Variants in SPECC1L observed in about 807,000 individuals in gnomAD.
The protein encoded by SPECC1L is cytospin-A.
SPECC1L carries 40 observed loss-of-function variants against 116.8 expected under a neutral mutation model. The observed-to-expected ratio is 0.34, with a 90% CI of 0.27 to 0.45. SPECC1L has a LOEUF of 0.45. Ranked by LOEUF, SPECC1L falls within the 20% of genes least tolerant of loss-of-function variation. The probability of loss-of-function intolerance (pLI) is 1.00; values close to 1 mark genes in which losing one functional copy is unlikely to be tolerated. For synonymous variants in SPECC1L, 504 were observed against 500.6 expected (o/e 1.01, Z -0.09); for missense variants, 1,110 against 1,373.6 (o/e 0.81, Z 3.03).
At chr22:24,402,097 GCTTCCCCTTC>G (rs574796666) in intron 14 of SPECC1L, among the ~76,000 whole-genome samples, 3,074 of 63,434 alleles carry the variant, frequency 0.048, 163 homozygotes, top group South Asian at 0.21. Flanking sequence ...AAAATGTACT[GCTTCCCCTTC>G]CTTCCCCTTC....
At chr22:24,410,031 A>G (rs964639472) in intron 14 of SPECC1L, among the ~76,000 whole-genome samples, 2 of 152,254 alleles carry the variant, frequency 1.3e-5, no homozygotes, top group East Asian at 1.9e-4. Flanking sequence ...AAAATTTTAA[A>G]AAGTTGAGGT....
rs771197162 is a variant in SPECC1L at position 24,347,161 on chromosome 22, G to A, written c.2728G>A (p.Glu910Lys). ...GTCAGATAAGAGACCAAACTATGGGGAAATCCCTGTTCAAGGTACGTGTAA... is the reference window on the plus strand; with the variant it reads ...GTCAGATAAGAGACCAAACTATGGGAAAATCCCTGTTCAAGGTACGTGTAA... ...ALSDKRPNYG[E>K]IPVQEHLLRT... Residue 910 changes from glutamate to lysine, a missense_variant, in exon 11 of 17, where the codon GAA becomes AAA. Glu to Lys is a moderately conservative substitution (Grantham distance 56). Transcript: ENST00000314328. 1.9e-6 allele frequency: 3 copies of A among 1,613,496 alleles called. No homozygotes were observed. Among genetic ancestry groups the A allele is most frequent in the East Asian group, 2.2e-5 (1 of 44,838 alleles).
chr22:24,296,717 C>T (rs1209221349), intron 2 of SPECC1L, among the ~76,000 whole-genome samples: 1 of 152,264 alleles, frequency 6.6e-6, no homozygotes, highest in African/African-American at 2.4e-5. Flanking sequence ...CCAGTGATTT[C>T]TCCATCTCGA....
intron 14 of SPECC1L, among the ~76,000 whole-genome samples, chr22:24,410,400 T>C (rs2042672451): frequency 6.6e-6 from 1 of 152,200 alleles, no homozygotes; most frequent in Non-Finnish European, 1.5e-5. Context: ...GGCTGAGTCA[T>C]AACTTTTCTT....
chr22:24,299,575 T>G (rs1229426945), intron 2 of SPECC1L, among the ~76,000 whole-genome samples: 1 of 152,226 alleles, frequency 6.6e-6, no homozygotes, highest in Non-Finnish European at 1.5e-5. Context: ...TTTTCTCCTC[T>G]TGGACCTCTG....
intron 10 of SPECC1L, among the ~76,000 whole-genome samples, chr22:24,340,201 T>G (rs2041146907): frequency 7.3e-6 from 1 of 137,034 alleles, no homozygotes; most frequent in African/African-American, 2.8e-5. Flanking sequence ...CAGGCTGGAA[T>G]GAAATGGCAT....
chr22:24,303,282 C>T (rs566919611), intron 3 of SPECC1L, among the ~76,000 whole-genome samples: 10 of 152,296 alleles, frequency 6.6e-5, no homozygotes, highest in Non-Finnish European at 1.5e-4. Flanking sequence ...TGGAACTGAA[C>T]CCAGGCTTAT....
At chr22:24,281,221 A>G (rs1412687806) in intron 2 of SPECC1L, among the ~76,000 whole-genome samples, 1 of 152,244 alleles carries the variant, frequency 6.6e-6, no homozygotes, top group East Asian at 1.9e-4. Context: ...AAACATTTAC[A>G]AAGTAGAGAG....
chr22:24,294,751 G>A (rs2049226281), intron 2 of SPECC1L, among the ~76,000 whole-genome samples: 2 of 152,044 alleles, frequency 1.3e-5, no homozygotes, highest in Non-Finnish European at 2.9e-5. Context: ...TTGGTGCTTG[G>A]CTTGCCTGGA....
At chr22:24,334,722 G>A in intron 9 of SPECC1L, 149 bp downstream of exon 9, 1 of 880,672 alleles carries the variant, frequency 1.1e-6, no homozygotes, top group East Asian at 2.6e-5. Flanking sequence ...AACAGAAGGT[G>A]ATATTTAATA....
intron 11 of SPECC1L, among the ~76,000 whole-genome samples, chr22:24,359,814 T>C (rs1470162868): frequency 6.6e-6 from 1 of 152,222 alleles, no homozygotes; most frequent in East Asian, 1.9e-4. Context: ...TTAATTATCC[T>C]TCTAATCTCA....
At position 24,322,713 on chromosome 22, in the gene SPECC1L, G is replaced by T. The variant is rs201275356; in HGVS notation, c.1733G>T (p.Arg578Leu). The change falls in exon 5 of 17, where the codon CGC (arginine) becomes CTC (leucine). Residue 578 changes from arginine to leucine, a missense_variant. Physicochemically the swap from Arg to Leu is moderately radical, Grantham distance 102 (BLOSUM62 -2). This residue lies in a region of SPECC1L where 575 missense variants were observed against 682.4 expected (regional missense o/e 0.84). Coordinates refer to ENST00000314328, the MANE Select transcript of SPECC1L (RefSeq NM_015330.6). ...TVASDQIEMN[R>L]LKAQLENEKQ... ...GCCAGTGACCAGATAGAGATGAATC[G>T]CCTGAAGGCTCAGCTGGAGAATGAA... The T allele has an allele frequency of 6.3e-7, 1 of 1,594,394 alleles. No homozygotes were observed. Among genetic ancestry groups the T allele is most frequent in the South Asian group, 1.1e-5 (1 of 87,962 alleles).
chr22:24,408,613 G>A (rs1297337619), intron 14 of SPECC1L, among the ~76,000 whole-genome samples: 2 of 152,242 alleles, frequency 1.3e-5, no homozygotes, highest in African/African-American at 4.8e-5. Flanking sequence ...GCAGGTTTGC[G>A]TTTCCTCGTT....
At chr22:24,334,086 C>T (rs1220178672) in intron 8 of SPECC1L, among the ~76,000 whole-genome samples, 2 of 150,024 alleles carry the variant, frequency 1.3e-5, no homozygotes, top group Admixed American at 6.6e-5. Flanking sequence ...TATCTCGGCT[C>T]ACTGCAAGCT....
intron 14 of SPECC1L, among the ~76,000 whole-genome samples, chr22:24,386,397 G>A (rs1241559388): frequency 2.0e-5 from 3 of 151,722 alleles, no homozygotes; most frequent in Non-Finnish European, 2.9e-5. Flanking sequence ...TGAGACCCCC[G>A]TCCCTACAAA....
At position 24,414,599 on chromosome 22, in the gene SPECC1L, G is replaced by C; in HGVS notation, c.3330G>C (p.Ala1110=). The change falls in exon 17 of 17, where the codon GCG becomes GCC. Residue 1110 remains alanine, a synonymous_variant. Coordinates refer to ENST00000314328, the MANE Select transcript of SPECC1L (RefSeq NM_015330.6). ...DWQNVMLYVT[A]IYKYFET ...AGAACGTGATGCTGTATGTGACGGC[G>C]ATCTACAAGTACTTTGAGACCTGAG... is the stretch of plus-strand genomic sequence containing the variant. The C allele has an allele frequency of 6.2e-7, 1 of 1,614,006 alleles. No individual in the cohort carries two copies. The highest frequency in any genetic ancestry group is 8.5e-7 in the Non-Finnish European group (1 of 1,179,984).
intron 14 of SPECC1L, among the ~76,000 whole-genome samples, chr22:24,388,080 TTTATTA>T (rs537731356): frequency 6.6e-6 from 1 of 151,690 alleles, no homozygotes; most frequent in Non-Finnish European, 1.5e-5. Context: ...AAATTCTTTT[TTTATTA>T]TTATTATTAT....
chr22:24,322,842 C>G lies in SPECC1L; in HGVS notation c.1862C>G (p.Thr621Ser). ...SVRLDKEKAETLASSLQEDLA... is the reference protein window; with the variant it reads ...SVRLDKEKAESLASSLQEDLA... ...AGGCTGGACAAAGAAAAAGCAGAGA[C>G]TTTGGCTAGTAGCTTGCAGGAAGAT... Residue 621 changes from threonine (T) to serine (S), a missense_variant, in exon 5 of 17, where the codon ACT becomes AGT. Transcript: ENST00000314328. The G allele has an allele frequency of 6.2e-7, 1 of 1,611,612 alleles. No homozygotes were observed. Among genetic ancestry groups the G allele is most frequent in the Non-Finnish European group, 8.5e-7 (1 of 1,179,004 alleles).
intron 14 of SPECC1L, among the ~76,000 whole-genome samples, chr22:24,386,066 A>C (rs1601325661): frequency 6.6e-6 from 1 of 152,140 alleles, no homozygotes; most frequent in African/African-American, 2.4e-5. Flanking sequence ...ATCTAATCAA[A>C]GTAGATGAAC....
Sources: allele counts gnomAD v4.1 joint callset (sites outside exome capture counted in the v4.1 genomes callset), GRCh38; gene constraint gnomAD v4.1.1; regional missense constraint gnomAD v4.1.1; transcripts MANE v1.5; gene names NCBI Gene and HGNC (gene_info 2026-07-23, HGNC 2026-07-21).